The following MYT1 variants were observed in gnomAD, a reference collection of about 807,000 sequenced individuals.
MYT1 encodes myelin transcription factor 1.
MYT1 carries 23 observed loss-of-function variants against 123.0 expected under a neutral mutation model. That is an observed-to-expected ratio of 0.19 (90% CI 0.13 to 0.26). MYT1 has a LOEUF of 0.26. MYT1 is among the 10% of genes least tolerant of loss of function. MYT1 has a pLI of 1.00. For synonymous variants in MYT1, 518 were observed against 575.3 expected (o/e 0.90, Z 1.43); for missense variants, 1,125 against 1,472.5 (o/e 0.76, Z 3.86).
Position 64,222,013 on chromosome 20 carries a change from T to G in MYT1, c.2362T>G (p.Phe788Val). ...EVTLTNFKLK[F>V]LSKDIKKELL... ...CACCCTGACCAACTTTAAGCTGAAG[T>G]TTCTCTCCAAGGACATAAAGAAGGA... is the stretch of plus-strand genomic sequence containing the variant. The change falls in exon 14 of 23, where the codon TTT becomes GTT. Residue 788 changes from phenylalanine (F) to valine (V), a missense_variant. By Grantham distance (50) the Phe-to-Val change is conservative. Around this residue, in one of 4 missense-constraint regions of MYT1, gnomAD observed 429 missense variants for 604.1 expected, o/e 0.71. Coordinates refer to ENST00000328439, the MANE Select transcript of MYT1 (RefSeq NM_004535.3). 1 of 1,613,100 alleles carries G rather than the reference T, an allele frequency of 6.2e-7. No homozygotes were observed. Among genetic ancestry groups the G allele is most frequent in the Non-Finnish European group, 8.5e-7 (1 of 1,179,972 alleles).
At chr20:64,207,507 G>A (rs1983515223) in intron 6 of MYT1, 87 bp from the exon 7 acceptor site, 6 of 1,537,872 alleles carry the variant, frequency 3.9e-6, no homozygotes, top group Non-Finnish European at 5.2e-6. Context: ...TAGGTCAGGT[G>A]GAGGGGTGGT....
chr20:64,234,830 C>A (rs1399909282), intron 19 of MYT1, among the ~76,000 whole-genome samples: 3 of 129,248 alleles, frequency 2.3e-5, no homozygotes, highest in South Asian at 2.7e-4. Context: ...TGACCCCGAG[C>A]TGGCTGTGGT....
intron 1 of MYT1, among the ~76,000 whole-genome samples, chr20:64,183,952 C>T (rs1019419675): frequency 6.6e-6 from 1 of 152,154 alleles, no homozygotes; most frequent in Non-Finnish European, 1.5e-5. Flanking sequence ...TCCTAAGTAG[C>T]TGGGATTACA....
chr20:64,230,176 T>C (rs1380329090), intron 18 of MYT1, among the ~76,000 whole-genome samples: 1 of 152,170 alleles, frequency 6.6e-6, no homozygotes, highest in East Asian at 1.9e-4. Context: ...ACAGTTTCCC[T>C]TGATGAAGGG....
chr20:64,232,252 C>T lies in MYT1; in HGVS notation c.2764C>T (p.Arg922Cys), dbSNP rs1351253172. 2.5e-6 allele frequency: 4 copies of T among 1,613,204 alleles called. No individual in the cohort carries two copies. The highest frequency in any genetic ancestry group is 1.1e-5 in the South Asian group (1 of 91,088). ...CGCATCCGGCTGCCCACTGGCCGCC[C>T]GCAGGCAGAAGGAAGGGTCCCTCAA... ...RSASGCPLAA[R>C]RQKEGSLNGS... Residue 922 changes from arginine (R) to cysteine (C), a missense_variant, in exon 19 of 23, where the codon CGC becomes TGC. Physicochemically the swap from Arg to Cys is radical, Grantham distance 180 (BLOSUM62 -3). Around this residue, in one of 4 missense-constraint regions of MYT1, gnomAD observed 243 missense variants for 323.1 expected, o/e 0.75. Transcript: ENST00000328439. The surrounding 1 kb of genome is among the most constrained non-coding windows in gnomAD (Gnocchi z 6.9).
chr20:64,197,249 T>C (rs1983151193), intron 2 of MYT1, among the ~76,000 whole-genome samples: 1 of 152,222 alleles, frequency 6.6e-6, no homozygotes, highest in African/African-American at 2.4e-5. Flanking sequence ...CATACATCAT[T>C]GTATGTTAGT....
chr20:64,208,189 A>G lies in MYT1; in HGVS notation c.993A>G (p.Pro331=). The change falls in exon 7 of 23, where the codon CCA becomes CCG. Residue 331 remains proline (P), a synonymous_variant. Transcript: ENST00000328439. The surrounding 1 kb of genome is among the most constrained non-coding windows in gnomAD (Gnocchi z 5.4). ...AGAAGGCCCCTGAGCTCCGGGGCCC[A>G]GAATCACCCAGTCCCAAGCCTGAGT... is the stretch of plus-strand genomic sequence containing the variant. The part of the protein sequence containing the change: ...SAQKAPELRG[P]ESPSPKPEYS... 3 of 1,613,938 alleles carry G rather than the reference A, an allele frequency of 1.9e-6. No individual in the cohort carries two copies. Among genetic ancestry groups the G allele is most frequent in the Non-Finnish European group, 2.5e-6 (3 of 1,180,020 alleles).
chr20:64,219,892 C>A lies in MYT1; in HGVS notation c.2151C>A (p.Pro717=). The A allele has an allele frequency of 6.3e-7, 1 of 1,576,444 alleles. No homozygotes were observed. The part of the protein sequence containing the change: ...TSAPSSSMTS[P]QSSQASRQDE... ...CCCCCAGCAGCTCCATGACCTCTCCCCAGTCCAGCCAGGCCTCCCGCCAGG... is the reference window on the plus strand; with the variant it reads ...CCCCCAGCAGCTCCATGACCTCTCCACAGTCCAGCCAGGCCTCCCGCCAGG... Residue 717 remains proline, a synonymous_variant, in exon 13 of 23, where the codon CCC becomes CCA. Transcript: ENST00000328439.
At chr20:64,178,050 C>T (rs1012217756) in intron 1 of MYT1, among the ~76,000 whole-genome samples, 14 of 152,152 alleles carry the variant, frequency 9.2e-5, no homozygotes, top group East Asian at 3.9e-4. Context: ...GGAGGTGGAG[C>T]GTCCTGCCCG....
intron 18 of MYT1, among the ~76,000 whole-genome samples, chr20:64,228,980 G>A (rs1275066937): frequency 3.3e-5 from 5 of 152,324 alleles, no homozygotes; most frequent in African/African-American, 4.8e-5. Context: ...CCGGGGAGGG[G>A]CAACTTGGCC....
At chr20:64,211,394 T>C in intron 8 of MYT1, 54 bp downstream of exon 8, 4 of 1,563,948 alleles carry the variant, frequency 2.6e-6, no homozygotes, top group Non-Finnish European at 3.5e-6. Flanking sequence ...GCTGCCTCTG[T>C]GGTGTTTGGG....
At chr20:64,229,221 A>G (rs1484941513) in intron 18 of MYT1, among the ~76,000 whole-genome samples, 2 of 152,252 alleles carry the variant, frequency 1.3e-5, no homozygotes, top group Admixed American at 1.3e-4. Flanking sequence ...AAGGTCGCAC[A>G]CTAAATGCTG....
At chr20:64,237,241 C>T in intron 20 of MYT1, 46 bp from the exon 21 acceptor site, 1 of 1,543,622 alleles carries the variant, frequency 6.5e-7, no homozygotes, top group Non-Finnish European at 8.9e-7. Context: ...TTGGCCCAGG[C>T]CTGCCTGAGG....
In MYT1 at chr20:64,166,740, C is replaced by G. The variant is rs1040628417; in HGVS notation, c.-99+2001C>G. Among the ~76,000 whole-genome samples, 1 of 152,196 alleles carries G rather than the reference C, an allele frequency of 6.6e-6. No individual in the cohort carries two copies. Among genetic ancestry groups the G allele is most frequent in the African/African-American group, 2.4e-5 (1 of 41,446 alleles). ...CCCCTGGTGCATGAGTGGGGAAACA[C>G]TCTCTGAGATGACCCCTTCTAGCCA... On this transcript the variant is annotated intron_variant, in intron 1 of 22. Transcript: ENST00000328439. This position sits in a 1 kb window ranked among gnomAD's most constrained non-coding sequence, Gnocchi z 4.9.
chr20:64,230,427 C>T (rs575900870), intron 18 of MYT1, among the ~76,000 whole-genome samples: 5 of 152,308 alleles, frequency 3.3e-5, no homozygotes, highest in Admixed American at 2.0e-4. Context: ...GCAGGAGAAT[C>T]GCTTGAAGCC....
At position 64,217,081 on chromosome 20, in the gene MYT1, T is replaced by A. The variant is rs781524374; in HGVS notation, c.1646T>A (p.Val549Glu). Residue 549 changes from valine (V) to glutamate (E), a missense_variant, in exon 11 of 23, where the codon GTG becomes GAG. Physicochemically the swap from Val to Glu is moderately radical, Grantham distance 121. This residue lies in a region of MYT1 where 429 missense variants were observed against 604.1 expected (regional missense o/e 0.71). Transcript: ENST00000328439. ...SDRILRPMCF[V>E]KQLEVPPYGS... The stretch of plus-strand genomic sequence containing the variant: ...CTGCACCCCAGGCCCATGTGCTTCG[T>A]GAAGCAGCTCGAGGTCCCTCCATAT... The A allele has an allele frequency of 9.9e-6, 16 of 1,613,584 alleles. No homozygotes were observed. Among genetic ancestry groups the A allele is most frequent in the Middle Eastern group, 3.3e-4 (2 of 5,974 alleles).
Position 64,241,598 on chromosome 20 carries a change from T to C in MYT1, c.*1150T>C, listed in dbSNP as rs886982101. 1.3e-5 allele frequency: 2 copies of C among 152,614 alleles called. No homozygotes were observed. Among genetic ancestry groups the C allele is most frequent in the Admixed American group, 1.3e-4 (2 of 15,280 alleles). 9.5% of individuals were successfully genotyped at this position (152,614 alleles called of 1,614,324 possible). On this transcript the variant is annotated 3_prime_UTR_variant, in exon 23 of 23. Coordinates refer to ENST00000328439, the MANE Select transcript of MYT1 (RefSeq NM_004535.3). The surrounding 1 kb of genome is among the most constrained non-coding windows in gnomAD (Gnocchi z 4.2). Reference sequence around the variant, plus strand: ...AAGTATTTATATTCACAGCCTCTTATGTTAACGTTTGCTATTTATTTAACA... The same window carrying C: ...AAGTATTTATATTCACAGCCTCTTACGTTAACGTTTGCTATTTATTTAACA...
rs1034179662 is a variant in MYT1 at position 64,185,702 on chromosome 20, C to T, written c.-98-4361C>T. Among the ~76,000 whole-genome samples the T allele has an allele frequency of 2.6e-5, 4 of 152,200 alleles. No homozygotes were observed. Among genetic ancestry groups the T allele is most frequent in the Non-Finnish European group, 4.4e-5 (3 of 68,036 alleles). ...CCAGGCTACCGAGCCAGCATGAAAA[C>T]AGCCACGGTCGCCCGCAGGGGGTCC... On this transcript the variant is annotated intron_variant, in intron 1 of 22. Coordinates refer to ENST00000328439, the MANE Select transcript of MYT1 (RefSeq NM_004535.3). This position sits in a 1 kb window ranked among gnomAD's most constrained non-coding sequence, Gnocchi z 4.5.
intron 21 of MYT1, among the ~76,000 whole-genome samples, chr20:64,239,305 G>C (rs1464411270): frequency 6.6e-6 from 1 of 152,184 alleles, no homozygotes; most frequent in Non-Finnish European, 1.5e-5. Context: ...CCACGGGGGG[G>C]TGCAGTGATT....
Sources: gnomAD v4.1 joint callset for allele counts (sites outside exome capture counted in the v4.1 genomes callset) on GRCh38, gnomAD v4.1.1 for gene constraint, gnomAD v4.1.1 regional missense constraint, Gnocchi (gnomAD v3.1) non-coding constraint, MANE v1.5 for transcripts, NCBI Gene and HGNC (gene_info 2026-07-23, HGNC 2026-07-21) for gene names.